KSR2: variants seen among roughly 807,000 people sequenced by gnomAD.
KSR2 encodes the protein kinase suppressor of ras 2.
In KSR2, 25 loss-of-function variants were observed where a neutral mutation model predicts 107.8. The observed-to-expected ratio is 0.23, with a 90% confidence interval of 0.17 to 0.32. The LOEUF (loss-of-function observed/expected upper bound fraction) is 0.32, where lower values mean the gene tolerates loss of function less well. Ranked by LOEUF, KSR2 falls within the 10% of genes least tolerant of loss-of-function variation. The probability of loss-of-function intolerance (pLI) is 1.00; values close to 1 mark genes in which losing one functional copy is unlikely to be tolerated. For synonymous variants in KSR2, 480 were observed against 507.0 expected, an observed-to-expected ratio of 0.95 and a Z score of 0.71; for missense variants, 887 against 1,268.9, an observed-to-expected ratio of 0.70 and a Z score of 4.57.
At chr12:117,662,256 C>T (rs1884465263) in intron 5 of KSR2, among the ~76,000 whole-genome samples, 1 of 152,210 alleles carries the variant, frequency 6.6e-6, no homozygotes, top group Admixed American at 6.5e-5. Context: ...GACTGTGGTT[C>T]AGCCAGCAAA....
chr12:117,744,950 C>T (rs1211069287), intron 4 of KSR2, among the ~76,000 whole-genome samples: 2 of 152,146 alleles, frequency 1.3e-5, no homozygotes, highest in African/African-American at 4.8e-5. Context: ...TGATGATTGG[C>T]AGCACTAATT....
At chr12:117,624,024 T>A (rs1882334035) in intron 5 of KSR2, among the ~76,000 whole-genome samples, 1 of 152,248 alleles carries the variant, frequency 6.6e-6, no homozygotes, top group Admixed American at 6.5e-5. Flanking sequence ...TGCATAGATG[T>A]CTTCTTTTGA....
intron 5 of KSR2, among the ~76,000 whole-genome samples, chr12:117,617,085 C>T (rs145641161): frequency 6.6e-6 from 1 of 152,264 alleles, no homozygotes; most frequent in African/African-American, 2.4e-5. Flanking sequence ...GAAGCCAAAG[C>T]TTGATGTCTT....
At chr12:117,846,292 A>ATTT (rs35755364) in intron 3 of KSR2, among the ~76,000 whole-genome samples, 5 of 127,518 alleles carry the variant, frequency 3.9e-5, no homozygotes, top group African/African-American at 8.9e-5. Flanking sequence ...TTACCATTTG[A>ATTT]TTTTTTTTTT....
chr12:117,777,165 C>CATAT (rs1889724816), intron 3 of KSR2, among the ~76,000 whole-genome samples: 1 of 126,336 alleles, frequency 7.9e-6, no homozygotes, highest in Admixed American at 8.8e-5. Context: ...ACACACCATA[C>CATAT]ATATATACAC....
chr12:117,622,934 T>C (rs1336715551), intron 5 of KSR2, among the ~76,000 whole-genome samples: 1 of 152,152 alleles, frequency 6.6e-6, no homozygotes, highest in Admixed American at 6.5e-5. Context: ...GCCCTAAAAT[T>C]ATAGCATATT....
At chr12:117,757,522 G>A (rs989440431) in intron 4 of KSR2, among the ~76,000 whole-genome samples, 2 of 152,176 alleles carry the variant, frequency 1.3e-5, no homozygotes, top group Non-Finnish European at 2.9e-5. Context: ...GCTATCAAAC[G>A]GCATCACATG....
At chr12:117,551,056 G>T (rs1470094025) in intron 9 of KSR2, among the ~76,000 whole-genome samples, 2 of 152,214 alleles carry the variant, frequency 1.3e-5, no homozygotes, top group African/African-American at 4.8e-5. Flanking sequence ...ACTTCAAACA[G>T]CTTGAATACA....
intron 10 of KSR2, among the ~76,000 whole-genome samples, chr12:117,533,984 G>A (rs1042824362): frequency 1.3e-5 from 2 of 152,140 alleles, no homozygotes; most frequent in Non-Finnish European, 2.9e-5. Flanking sequence ...GCTGATGACA[G>A]ACACCATCAA....
In KSR2 at chr12:117,848,841, G is replaced by A. The variant is rs370873090; in HGVS notation, c.472+6587C>T. ...GTGGGTGGTGATGGTGGTAGTGGTG[G>A]TGATGGTGATGATGGTGATGATGGT... On this transcript the variant is annotated intron_variant, in intron 3 of 19. Transcript: ENST00000339824. Among the ~76,000 whole-genome samples the A allele has an allele frequency of 5.0e-3, 704 of 141,866 alleles. 3 individuals carry two copies. The highest frequency in any genetic ancestry group is 0.014 in the African/African-American group (526 of 36,932). The allele number at this position is 141,866 out of a possible 152,430, so 93.1% of individuals were successfully genotyped here.
chr12:117,918,493 A>G (rs566741466), intron 1 of KSR2, among the ~76,000 whole-genome samples: 1 of 152,244 alleles, frequency 6.6e-6, no homozygotes, highest in African/African-American at 2.4e-5. Context: ...TACCTATTTC[A>G]AATATTGTCT....
At position 117,968,835 on chromosome 12, in the gene KSR2, C is replaced by A. The variant is rs1367105225; in HGVS notation, c.-580G>T. ...CTTTAGCGCGTTCTCAAGGTGCTGTCTGCATTGCTCCCGCGGCTGCGGCGG... is the reference window on the plus strand; with the variant it reads ...CTTTAGCGCGTTCTCAAGGTGCTGTATGCATTGCTCCCGCGGCTGCGGCGG... On this transcript the variant is annotated 5_prime_UTR_variant, in exon 1 of 20. Transcript: ENST00000339824. 4.8e-6 allele frequency: 1 copy of A among 208,286 alleles called. No homozygotes were observed. Among genetic ancestry groups the A allele is most frequent in the African/African-American group, 2.4e-5 (1 of 41,824 alleles). The allele number at this position is 208,286 out of a possible 1,614,324, so 12.9% of individuals were successfully genotyped here. A position where few individuals can be genotyped will look rare whatever the true frequency, so the allele number is the denominator to read the frequency against.
chr12:117,625,528 C>T (rs1032353748), intron 5 of KSR2, among the ~76,000 whole-genome samples: 1 of 152,180 alleles, frequency 6.6e-6, no homozygotes, highest in Non-Finnish European at 1.5e-5. Flanking sequence ...TATGTTGAAC[C>T]AGCCTCACAT....
intron 3 of KSR2, among the ~76,000 whole-genome samples, chr12:117,797,923 T>C (rs1890691449): frequency 6.6e-6 from 1 of 152,108 alleles, no homozygotes; most frequent in Admixed American, 6.5e-5. Flanking sequence ...AGTGCGAGGA[T>C]TACAGACATG....
At chr12:117,742,115 C>T (rs1453788742) in intron 4 of KSR2, among the ~76,000 whole-genome samples, 1 of 152,104 alleles carries the variant, frequency 6.6e-6, no homozygotes, top group Non-Finnish European at 1.5e-5. Flanking sequence ...ACTGTATAAC[C>T]TGAATCATCA....
In KSR2 at chr12:117,511,373, C is replaced by A. The variant is rs543296294; in HGVS notation, c.2219+13479G>T. Among the ~76,000 whole-genome samples the A allele has an allele frequency of 2.8e-4, 42 of 152,298 alleles. 1 individual carries two copies. The South Asian group carries it at 8.1e-3, about 29-fold the overall frequency. On this transcript the variant is annotated intron_variant, in intron 14 of 19. Transcript: ENST00000339824. ...GAAGTGGCCAGACTACGGCAATGAC[C>A]TATGAAATTCATCTTGGGAAGGCAT...
At chr12:117,920,628 C>T (rs146370120) in intron 1 of KSR2, among the ~76,000 whole-genome samples, 42 of 152,266 alleles carry the variant, frequency 2.8e-4, no homozygotes, top group African/African-American at 8.4e-4. Context: ...GATACAGTTA[C>T]AATTTCTGTT....
At chr12:117,576,959 A>G (rs73211910) in intron 7 of KSR2, among the ~76,000 whole-genome samples, 20,101 of 152,166 alleles carry the variant, frequency 0.13, 1,497 homozygotes, top group Admixed American at 0.2. Flanking sequence ...TCTGGCCTGT[A>G]CTTCTCTTTA....
chr12:117,646,440 C>A (rs1260755738), intron 5 of KSR2, among the ~76,000 whole-genome samples: 1 of 152,190 alleles, frequency 6.6e-6, no homozygotes, highest in East Asian at 1.9e-4. Context: ...GACAAACAGA[C>A]AGGTGAGGCG....
Sources: gnomAD v4.1 joint callset for allele counts (sites outside exome capture counted in the v4.1 genomes callset) on GRCh38, gnomAD v4.1.1 for gene constraint, MANE v1.5 for transcripts, NCBI Gene and HGNC (gene_info 2026-07-23, HGNC 2026-07-21) for gene names.